The following SYT17 variants were observed in gnomAD, a reference collection of about 807,000 sequenced individuals.
SYT17 encodes the protein synaptotagmin-17.
In SYT17, 22 loss-of-function variants were observed where a neutral mutation model predicts 46.7. The observed-to-expected ratio is 0.47, with a 90% confidence interval of 0.34 to 0.67. SYT17 has a LOEUF of 0.67. SYT17 is among the 30% of genes least tolerant of loss of function. The pLI, the probability that SYT17 is intolerant of heterozygous loss-of-function variation, is 0.01. For missense variants in SYT17, 519 were observed against 612.8 expected (o/e 0.85, Z 1.62); for synonymous variants, 251 against 248.4 (o/e 1.01, Z -0.10).
At position 19,168,635 on chromosome 16, in the gene SYT17, G is replaced by C. The variant is rs756756446; in HGVS notation, c.-12G>C. On this transcript the variant is annotated 5_prime_UTR_variant, in exon 1 of 8. Transcript: ENST00000355377. This position sits in a 1 kb window ranked among gnomAD's most constrained non-coding sequence, Gnocchi z 6.9. ...GCCATGCCCGGGCCGGAGTGAGTGCGCGCGGGCGAAAATGGCGTACATCCA... is the reference window on the plus strand; with the variant it reads ...GCCATGCCCGGGCCGGAGTGAGTGCCCGCGGGCGAAAATGGCGTACATCCA... 7 of 1,538,634 alleles carry C rather than the reference G, an allele frequency of 4.5e-6. 1 individual carries two copies. Among genetic ancestry groups the C allele is most frequent in the Non-Finnish European group, 5.3e-6 (6 of 1,140,808 alleles).
chr16:19,174,017 A>G (rs1964214261), intron 3 of SYT17, among the ~76,000 whole-genome samples: 1 of 152,136 alleles, frequency 6.6e-6, no homozygotes, highest in Admixed American at 6.5e-5. Context: ...ACATAGTAAA[A>G]GCTCGATAAA....
chr16:19,257,571 C>T (rs1161752694), intron 7 of SYT17, among the ~76,000 whole-genome samples: 1 of 152,094 alleles, frequency 6.6e-6, no homozygotes, highest in Non-Finnish European at 1.5e-5. Context: ...AGAAGCAGGC[C>T]TGTGTAGACT....
intron 5 of SYT17, among the ~76,000 whole-genome samples, chr16:19,185,784 C>A (rs562065510): frequency 1.3e-5 from 2 of 152,160 alleles, no homozygotes; most frequent in South Asian, 4.1e-4. Flanking sequence ...GAGGGCCTGG[C>A]GGGTGGCGAG....
intron 3 of SYT17, 151 bp from the exon 4 acceptor site, chr16:19,180,240 T>A (rs1438610936): frequency 4.0e-6 from 3 of 742,524 alleles, no homozygotes; most frequent in African/African-American, 3.5e-5. Flanking sequence ...GTTGAGAGTT[T>A]AAGGACACCA....
At chr16:19,198,044 T>C (rs1965321265) in intron 5 of SYT17, among the ~76,000 whole-genome samples, 1 of 151,736 alleles carries the variant, frequency 6.6e-6, no homozygotes, top group Non-Finnish European at 1.5e-5. Flanking sequence ...TTGTCATCTC[T>C]AAGCCTCAAT....
chr16:19,253,759 C>T (rs1968361942), intron 7 of SYT17, among the ~76,000 whole-genome samples: 1 of 152,164 alleles, frequency 6.6e-6, no homozygotes. Flanking sequence ...CGGAGTTTCA[C>T]TCTTGTTGCC....
chr16:19,207,930 G>C (rs996667550), intron 5 of SYT17, among the ~76,000 whole-genome samples: 2 of 152,022 alleles, frequency 1.3e-5, no homozygotes, highest in Non-Finnish European at 2.9e-5. Context: ...AAGAAAGAAA[G>C]AAAATGGAGC....
chr16:19,257,779 A>G (rs1352662117), intron 7 of SYT17, among the ~76,000 whole-genome samples: 2 of 152,092 alleles, frequency 1.3e-5, no homozygotes, highest in African/African-American at 4.8e-5. Context: ...GGGTACAGTG[A>G]TGAGGTTTCG....
chr16:19,235,383 C>G (rs1966839248), intron 7 of SYT17, among the ~76,000 whole-genome samples: 1 of 152,132 alleles, frequency 6.6e-6, no homozygotes, highest in Non-Finnish European at 1.5e-5. Flanking sequence ...GAAAACTGAA[C>G]TGACATCAAA....
chr16:19,211,624 ATT>A (rs10716359), intron 5 of SYT17, among the ~76,000 whole-genome samples: 16 of 143,444 alleles, frequency 1.1e-4, no homozygotes, highest in Non-Finnish European at 1.1e-4. Context: ...ACGATCTTGT[ATT>A]TTTTTTTTTT....
intron 7 of SYT17, among the ~76,000 whole-genome samples, chr16:19,239,278 A>AAATTAATTAATT (rs918681071): frequency 5.3e-5 from 8 of 151,304 alleles, no homozygotes; most frequent in Admixed American, 1.3e-4. Context: ...CCCTGTCTCA[A>AAATTAATTAATT]AATTAATTAA....
At chr16:19,200,412 A>T (rs1965415854) in intron 5 of SYT17, among the ~76,000 whole-genome samples, 1 of 152,250 alleles carries the variant, frequency 6.6e-6, no homozygotes, top group African/African-American at 2.4e-5. Context: ...AATATTATTG[A>T]TGTGAAATTT....
Position 19,168,700 on chromosome 16 carries a change from A to T in SYT17, c.15+39A>T. The T allele has an allele frequency of 6.9e-7, 1 of 1,452,628 alleles. No individual in the cohort carries two copies. The highest frequency in any genetic ancestry group is 9.1e-7 in the Non-Finnish European group (1 of 1,097,158). 90.0% of individuals were successfully genotyped at this position (1,452,628 alleles called of 1,614,324 possible). A position where few individuals can be genotyped will look rare whatever the true frequency, so the allele number is the denominator to read the frequency against. Reference sequence around the variant, plus strand: ...TGGGGGCAAGGTCCGGGGTGCGGGTAGGGGGTGCCGCGCCCCCTCCGGCTG... The same window carrying T: ...TGGGGGCAAGGTCCGGGGTGCGGGTTGGGGGTGCCGCGCCCCCTCCGGCTG... On this transcript the variant is annotated intron_variant, in intron 1 of 7. Coordinates refer to ENST00000355377, the MANE Select transcript of SYT17 (RefSeq NM_016524.4). This position sits in a 1 kb window ranked among gnomAD's most constrained non-coding sequence, Gnocchi z 6.9.
chr16:19,231,325 C>T (rs902170555), intron 7 of SYT17, among the ~76,000 whole-genome samples: 1 of 152,076 alleles, frequency 6.6e-6, no homozygotes, highest in Non-Finnish European at 1.5e-5. Flanking sequence ...AATTCCAACA[C>T]TGTGGGAGGC....
intron 7 of SYT17, among the ~76,000 whole-genome samples, chr16:19,245,045 C>T (rs1228086611): frequency 6.6e-6 from 1 of 152,154 alleles, no homozygotes; most frequent in Non-Finnish European, 1.5e-5. Flanking sequence ...TCCACGACCT[C>T]CCTGAGCACC....
chr16:19,176,151 C>A (rs572243145), intron 3 of SYT17, among the ~76,000 whole-genome samples: 16 of 152,340 alleles, frequency 1.1e-4, no homozygotes, highest in Non-Finnish European at 2.4e-4. Context: ...CTCTCTCTCT[C>A]TTTCTTTCTC....
chr16:19,175,165 T>C (rs1964264937), intron 3 of SYT17, among the ~76,000 whole-genome samples: 1 of 152,142 alleles, frequency 6.6e-6, no homozygotes, highest in South Asian at 2.1e-4. Flanking sequence ...GATATGCATA[T>C]AATATGCTTA....
chr16:19,266,962 C>T lies in SYT17; in HGVS notation c.1311C>T (p.Thr437=). 6.2e-7 allele frequency: 1 copy of T among 1,613,924 alleles called. No individual in the cohort carries two copies. Among genetic ancestry groups the T allele is most frequent in the Non-Finnish European group, 8.5e-7 (1 of 1,180,000 alleles). Residue 437 remains threonine, a synonymous_variant, in exon 8 of 8, where the codon ACC becomes ACT. Coordinates refer to ENST00000355377, the MANE Select transcript of SYT17 (RefSeq NM_016524.4). ...AGTACTCTTCAGGCCCCTCTGAGAC[C>T]AACCACTGGAGGCGCATGCTCAACA... is the stretch of plus-strand genomic sequence containing the variant. ...IGQYSSGPSE[T]NHWRRMLNTH...
At chr16:19,217,550 T>G (rs149574884) in intron 5 of SYT17, among the ~76,000 whole-genome samples, 8 of 152,370 alleles carry the variant, frequency 5.3e-5, no homozygotes, top group African/African-American at 1.9e-4. Context: ...TTTTTATGAA[T>G]GAATAACCTA....
Sources: allele counts gnomAD v4.1 joint callset (sites outside exome capture counted in the v4.1 genomes callset), GRCh38; gene constraint gnomAD v4.1.1; non-coding constraint Gnocchi (gnomAD v3.1); transcripts MANE v1.5; gene names NCBI Gene and HGNC (gene_info 2026-07-23, HGNC 2026-07-21).